Variants in PRDM16 observed in about 807,000 individuals in gnomAD.
PRDM16 encodes PR/SET domain 16.
A neutral mutation model predicts 110.6 loss-of-function variants in PRDM16; 23 were observed. The observed-to-expected ratio is 0.21, with a 90% CI of 0.15 to 0.29. The LOEUF (loss-of-function observed/expected upper bound fraction) is 0.29. PRDM16 is among the 10% of genes least tolerant of loss of function. The pLI is 1.00. For missense variants in PRDM16, 1,615 were observed against 1,794.3 expected (o/e 0.90, Z 1.81); for synonymous variants, 799 against 781.8 (o/e 1.02, Z -0.37).
chr1:3,320,877 C>G lies in PRDM16; in HGVS notation c.439-64275C>G, dbSNP rs186437137. ...GAGAGGAGCCTGGCTAGCTCAGGTC[C>G]TGGGGAGGATGGTGGTTTTGAGGGA... On this transcript the variant is annotated intron_variant, in intron 3 of 16. Coordinates refer to ENST00000270722, the MANE Select transcript of PRDM16 (RefSeq NM_022114.4). Among the ~76,000 whole-genome samples, 2 of 152,326 alleles carry G rather than the reference C, an allele frequency of 1.3e-5. 1 individual carries two copies. The highest frequency in any genetic ancestry group is 3.9e-4 in the East Asian group (2 of 5,176).
intron 1 of PRDM16, among the ~76,000 whole-genome samples, chr1:3,071,257 G>A (rs369546681): frequency 1.3e-5 from 2 of 152,266 alleles, no homozygotes; most frequent in East Asian, 1.9e-4. Context: ...CCAGCTCTCC[G>A]CCGGCTCCAC....
chr1:3,244,958 C>G lies in PRDM16; in HGVS notation c.438+821C>G, dbSNP rs1157972656. On this transcript the variant is annotated intron_variant, in intron 3 of 16. Coordinates refer to ENST00000270722, the MANE Select transcript of PRDM16 (RefSeq NM_022114.4). This position sits in a 1 kb window ranked among gnomAD's most constrained non-coding sequence, Gnocchi z 4.1. ...TCTCCTATTTTTTGGGGGGGGGTTT[C>G]TAGTAAAATTAAAGTAACAGTCTCT... Among the ~76,000 whole-genome samples, 1 of 152,090 alleles carries G rather than the reference C, an allele frequency of 6.6e-6. No homozygotes were observed. The highest frequency in any genetic ancestry group is 1.5e-5 in the Non-Finnish European group (1 of 68,018).
chr1:3,436,526 C>T lies in PRDM16; in HGVS notation c.*2715C>T. 4.3e-6 allele frequency: 1 copy of T among 231,710 alleles called. No individual in the cohort carries two copies. Among genetic ancestry groups the T allele is most frequent in the Non-Finnish European group, 8.5e-6 (1 of 117,054 alleles). The allele number at this position is 231,710 out of a possible 1,614,324, so 14.4% of individuals were successfully genotyped here. On this transcript the variant is annotated 3_prime_UTR_variant, in exon 17 of 17. Coordinates refer to ENST00000270722, the MANE Select transcript of PRDM16 (RefSeq NM_022114.4). ...CAGCACTTGGCGTTTTCAGGAGGCC[C>T]TGTTCTTAGAGCCCCTGACAAAGGC...
chr1:3,351,579 TCTCC>T (rs1476767965), intron 3 of PRDM16, among the ~76,000 whole-genome samples: 86 of 1,560 alleles, frequency 0.055, no homozygotes, highest in Middle Eastern at 0.25. Flanking sequence ...TTCCTCCTTC[TCTCC>T]CTCCCTCTCT....
At chr1:3,216,270 T>C (rs1035093151) in intron 2 of PRDM16, among the ~76,000 whole-genome samples, 2 of 151,266 alleles carry the variant, frequency 1.3e-5, no homozygotes, top group African/African-American at 4.9e-5. Flanking sequence ...GAACCAGCCA[T>C]GTTCAAGAAG....
At chr1:3,181,693 GTCTTACACACGGTCTTACACACGC>G (rs1569784909) in intron 1 of PRDM16, among the ~76,000 whole-genome samples, 1 of 123,190 alleles carries the variant, frequency 8.1e-6, no homozygotes, top group Admixed American at 8.4e-5. Context: ...CTTACACACG[GTCTTACACACGGTCTTACACACGC>G]AGTCTTACAC....
chr1:3,099,333 G>A (rs1467634131), intron 1 of PRDM16, among the ~76,000 whole-genome samples: 11 of 152,232 alleles, frequency 7.2e-5, no homozygotes, highest in Admixed American at 4.6e-4. Context: ...AGACAGTGAC[G>A]ACCACCTGGC....
At chr1:3,202,254 TG>T (rs1351084996) in intron 2 of PRDM16, among the ~76,000 whole-genome samples, 1 of 152,096 alleles carries the variant, frequency 6.6e-6, no homozygotes, top group African/African-American at 2.4e-5. Context: ...ATGGAGCAGC[TG>T]GGACCAGGAC....
chr1:3,220,650 A>G (rs1270529247), intron 2 of PRDM16, among the ~76,000 whole-genome samples: 1 of 152,152 alleles, frequency 6.6e-6, no homozygotes, highest in Non-Finnish European at 1.5e-5. Flanking sequence ...AAAGGACACC[A>G]TTTGGTCTCT....
intron 3 of PRDM16, among the ~76,000 whole-genome samples, chr1:3,286,807 C>T (rs550023809): frequency 5.9e-5 from 9 of 152,316 alleles, no homozygotes; most frequent in South Asian, 2.1e-4. Flanking sequence ...GTGGAGGGGC[C>T]GCCCAGCTCA....
At chr1:3,310,855 A>G (rs1425252687) in intron 3 of PRDM16, among the ~76,000 whole-genome samples, 1 of 151,764 alleles carries the variant, frequency 6.6e-6, no homozygotes, top group African/African-American at 2.4e-5. Context: ...GTGTGCACAT[A>G]TAAGTGTGTG....
chr1:3,122,048 T>A (rs1290188826), intron 1 of PRDM16, among the ~76,000 whole-genome samples: 12 of 152,146 alleles, frequency 7.9e-5, no homozygotes. Context: ...ATGGATCTGA[T>A]TAGGGGAGCC....
In PRDM16 at chr1:3,433,850, C is replaced by T; in HGVS notation, c.*39C>T. 1.2e-6 allele frequency: 2 copies of T among 1,607,004 alleles called. No individual in the cohort carries two copies. The highest frequency in any genetic ancestry group is 1.7e-6 in the Non-Finnish European group (2 of 1,177,916). ...CGGGGGCCGGTGGCCAGAGCGAGGG[C>T]ACCAGCCACGAAGGACGGAGGCGGG... On this transcript the variant is annotated 3_prime_UTR_variant, in exon 17 of 17. Transcript: ENST00000270722.
intron 3 of PRDM16, among the ~76,000 whole-genome samples, chr1:3,320,146 A>AGCT (rs906369178): frequency 6.6e-6 from 1 of 152,186 alleles, no homozygotes; most frequent in Non-Finnish European, 1.5e-5. Context: ...ACTGTTTGTT[A>AGCT]GCTGTATTGC....
At chr1:3,181,817 C>T (rs1424453785) in intron 1 of PRDM16, among the ~76,000 whole-genome samples, 2 of 54,384 alleles carry the variant, frequency 3.7e-5, no homozygotes, top group South Asian at 6.1e-4. Context: ...CGGTCTTACA[C>T]ATGCGGTCTT....
intron 9 of PRDM16, among the ~76,000 whole-genome samples, chr1:3,413,977 TC>T (rs1489813397): frequency 6.6e-6 from 1 of 151,986 alleles, no homozygotes; most frequent in African/African-American, 2.4e-5. Flanking sequence ...CCTGGTGACC[TC>T]CCCAGGACAG....
intron 2 of PRDM16, among the ~76,000 whole-genome samples, chr1:3,220,144 G>A (rs893992190): frequency 4.6e-5 from 7 of 152,090 alleles, no homozygotes; most frequent in East Asian, 1.9e-4. Flanking sequence ...GCCCACACGC[G>A]CCGGGAGGAA....
intron 1 of PRDM16, among the ~76,000 whole-genome samples, chr1:3,134,376 G>A (rs2100689460): frequency 6.6e-6 from 1 of 152,376 alleles, no homozygotes; most frequent in Admixed American, 6.5e-5. Context: ...AGCAGGCATG[G>A]CACGGGCATG....
chr1:3,317,352 AG>A (rs1641631830), intron 3 of PRDM16, among the ~76,000 whole-genome samples: 1 of 152,210 alleles, frequency 6.6e-6, no homozygotes, highest in South Asian at 2.1e-4. Context: ...CCGAGGCTGC[AG>A]CGAGCCCCAG....
Sources: allele counts gnomAD v4.1 joint callset (sites outside exome capture counted in the v4.1 genomes callset), GRCh38; gene constraint gnomAD v4.1.1; non-coding constraint Gnocchi (gnomAD v3.1); transcripts MANE v1.5; gene names NCBI Gene and HGNC (gene_info 2026-07-23, HGNC 2026-07-21).